Variants in CAPN14 observed in about 807,000 individuals in gnomAD.
CAPN14 encodes calpain-14.
Under a neutral mutation model 101.3 loss-of-function variants are expected in CAPN14, and 94 were observed. That is an observed-to-expected ratio of 0.93 (90% CI 0.79 to 1.10). The LOEUF is 1.10. Ranked by LOEUF, CAPN14 falls within the 50% of genes least tolerant of loss-of-function variation. CAPN14 has a pLI of 0.00. For missense variants in CAPN14, 837 were observed against 828.4 expected, an observed-to-expected ratio of 1.01 and a Z score of -0.13; for synonymous variants, 338 against 317.9, an observed-to-expected ratio of 1.06 and a Z score of -0.67.
rs943826224 is a variant in CAPN14 at position 31,202,183 on chromosome 2, G to C, written c.365C>G (p.Pro122Arg). 1 of 1,551,830 alleles carries C rather than the reference G, an allele frequency of 6.4e-7. No individual in the cohort carries two copies. ...CTTCTCAGTGAAACTCTGATTCAGG[G>C]GAACAACCCGGCTCAGGATGTCCTG... Reference protein sequence around the residue: ...LHQDILSRVVPLNQSFTEKYA... With the variant: ...LHQDILSRVVRLNQSFTEKYA... The change falls in exon 4 of 22, where the codon CCC becomes CGC. Residue 122 changes from proline to arginine, a missense_variant. Physicochemically the swap from Pro to Arg is moderately radical, Grantham distance 103. Transcript: ENST00000403897.
At chr2:31,181,037 C>A in intron 16 of CAPN14, 37 bp from the exon 17 acceptor site, 1 of 1,527,840 alleles carries the variant, frequency 6.5e-7, no homozygotes, top group Non-Finnish European at 8.9e-7. Flanking sequence ...GGGGGCTGGC[C>A]CCAGGTCTGC....
At position 31,204,121 on chromosome 2, in the gene CAPN14, A is replaced by C. The variant is rs188861233; in HGVS notation, c.226-982T>G. 9.2e-5 allele frequency among the ~76,000 whole-genome samples: 14 copies of C among 152,282 alleles called. No homozygotes were observed. The East Asian group carries it at 2.5e-3, about 27-fold the overall frequency. ...GCCTTGCCATCTCAGATGAAGCTAA[A>C]CAGTACCTTGATATATTTTTGGCTA... On this transcript the variant is annotated intron_variant, in intron 2 of 21. Transcript: ENST00000403897.
chr2:31,198,357 T>TTC (rs35701726), intron 7 of CAPN14, among the ~76,000 whole-genome samples: 95,566 of 151,852 alleles, frequency 0.63, 31,163 homozygotes, highest in East Asian at 0.95. Context: ...AACCAAGCTG[T>TTC]TCTGACCACC....
At chr2:31,222,901 G>C (rs1682901823) in intron 2 of CAPN14, among the ~76,000 whole-genome samples, 1 of 152,202 alleles carries the variant, frequency 6.6e-6, no homozygotes, top group African/African-American at 2.4e-5. Context: ...GTGGAGCAAT[G>C]AATGGGATTT....
At chr2:31,210,242 G>T (rs889908313) in intron 1 of CAPN14, among the ~76,000 whole-genome samples, 22 of 152,034 alleles carry the variant, frequency 1.4e-4, no homozygotes, top group Non-Finnish European at 3.1e-4. Flanking sequence ...AAGAGATCAA[G>T]ACCATCCTGG....
At chr2:31,212,273 G>A (rs1682438291) in intron 1 of CAPN14, among the ~76,000 whole-genome samples, 1 of 145,780 alleles carries the variant, frequency 6.9e-6, no homozygotes, top group Non-Finnish European at 1.5e-5. Context: ...TCCCACCACT[G>A]CACTCCAGCC....
intron 8 of CAPN14, among the ~76,000 whole-genome samples, chr2:31,195,272 G>C (rs1056845822): frequency 6.6e-6 from 1 of 152,216 alleles, no homozygotes; most frequent in Admixed American, 6.5e-5. Context: ...AGACTGGACC[G>C]TAAGCAGGAC....
chr2:31,207,018 CTGTA>C lies in CAPN14; in HGVS notation c.-52-1523_-52-1520del, dbSNP rs1682133076. 2.0e-5 allele frequency among the ~76,000 whole-genome samples: 3 copies of C among 152,156 alleles called. No individual in the cohort carries two copies. In the South Asian group the frequency reaches 6.2e-4, roughly 32 times the overall value. ...GCTATACAGGGAGATTTTATAAGGG[CTGTA>C]TCCAGAACCCAGAGCCCTGACTCCC... is the stretch of plus-strand genomic sequence containing the variant. On this transcript the variant is annotated intron_variant, in intron 1 of 21. Coordinates refer to ENST00000403897, the MANE Select transcript of CAPN14 (RefSeq NM_001145122.2).
At position 31,174,603 on chromosome 2, in the gene CAPN14, C is replaced by T; in HGVS notation, c.*78G>A. The stretch of plus-strand genomic sequence containing the variant: ...CCTGAAGATCAGTAAGTAGGGTGGG[C>T]ATGGGTTGGTCTCAGCCAAAGGCTG... On this transcript the variant is annotated 3_prime_UTR_variant, in exon 22 of 22. Coordinates refer to ENST00000403897, the MANE Select transcript of CAPN14 (RefSeq NM_001145122.2). 6.9e-7 allele frequency: 1 copy of T among 1,445,256 alleles called. No individual in the cohort carries two copies. The highest frequency in any genetic ancestry group is 9.5e-7 in the Non-Finnish European group (1 of 1,052,012). 89.5% of individuals were successfully genotyped at this position (1,445,256 alleles called of 1,614,324 possible).
At chr2:31,191,563 G>A (rs1681179721) in intron 11 of CAPN14, among the ~76,000 whole-genome samples, 156 bp from the exon 12 acceptor site, 1 of 152,128 alleles carries the variant, frequency 6.6e-6, no homozygotes, top group African/African-American at 2.4e-5. Context: ...AAGACCTGCT[G>A]TTCTATCAGT....
At chr2:31,175,378 A>C (rs1017622407) in intron 21 of CAPN14, among the ~76,000 whole-genome samples, 4 of 152,180 alleles carry the variant, frequency 2.6e-5, no homozygotes, top group African/African-American at 9.7e-5. Flanking sequence ...TAATTTGCCT[A>C]AGGCCCCACA....
At chr2:31,206,330 G>A (rs1212122611) in intron 1 of CAPN14, among the ~76,000 whole-genome samples, 1 of 152,174 alleles carries the variant, frequency 6.6e-6, no homozygotes, top group African/African-American at 2.4e-5. Flanking sequence ...AGGCCCCCAC[G>A]GGCGGTCACA....
In CAPN14 at chr2:31,205,397, G is replaced by A. The variant is rs1354002659; in HGVS notation, c.51C>T (p.Tyr17=). The stretch of plus-strand genomic sequence containing the variant: ...GTTGCTGTGGAGACGCCCTCCTAGA[G>A]TACCTTGGCGCCAGCTTCCATCTGC... ...FRCRWKLAPR[Y]SRRASPQQPQ... The change falls in exon 2 of 22, where the codon TAC becomes TAT. Residue 17 remains tyrosine, a synonymous_variant. Coordinates refer to ENST00000403897, the MANE Select transcript of CAPN14 (RefSeq NM_001145122.2). The A allele has an allele frequency of 6.4e-7, 1 of 1,551,596 alleles. No homozygotes were observed. Among genetic ancestry groups the A allele is most frequent in the Non-Finnish European group, 8.7e-7 (1 of 1,146,980 alleles).
chr2:31,206,261 G>T (rs554772731), intron 1 of CAPN14, among the ~76,000 whole-genome samples: 1 of 151,926 alleles, frequency 6.6e-6, no homozygotes, highest in East Asian at 2.0e-4. Flanking sequence ...CCCCAGCTGC[G>T]CTCCGGGTCA....
At chr2:31,186,179 G>A (rs374659342) in intron 16 of CAPN14, among the ~76,000 whole-genome samples, 1 of 152,158 alleles carries the variant, frequency 6.6e-6, no homozygotes, top group East Asian at 1.9e-4. Flanking sequence ...AAAATGGCAG[G>A]AATCTTCATT....
intron 14 of CAPN14, 22 bp from the exon 15 acceptor site, chr2:31,187,836 A>C (rs1311421917): frequency 6.5e-7 from 1 of 1,540,776 alleles, no homozygotes; most frequent in Non-Finnish European, 8.8e-7. Flanking sequence ...GACACACAGA[A>C]AGACACAATT....
chr2:31,192,077 T>G lies in CAPN14; in HGVS notation c.1136A>C (p.Gln379Pro). The G allele has an allele frequency of 1.3e-6, 2 of 1,549,500 alleles. No individual in the cohort carries two copies. Among genetic ancestry groups the G allele is most frequent in the Non-Finnish European group, 1.7e-6 (2 of 1,146,020 alleles). Residue 379 changes from glutamine to proline, a missense_variant, in exon 11 of 22, where the codon CAG (glutamine) becomes CCG (proline). Physicochemically the swap from Gln to Pro is moderately conservative, Grantham distance 76. Transcript: ENST00000403897. ...GGGCCTCCAGACAGACAGCAGGAAC[T>G]GCGGGTTCTTCCAAAATGTGTCTGG... ...LLQDTFWKNPQFLLSVWRPEE... is the reference protein window; with the variant it reads ...LLQDTFWKNPPFLLSVWRPEE...
At chr2:31,218,166 G>A (rs1027358979), upstream of CAPN14, among the ~76,000 whole-genome samples, 4 of 152,058 alleles carry the variant, frequency 2.6e-5, no homozygotes, top group African/African-American at 9.7e-5. Flanking sequence ...TCCAAATCTG[G>A]TTGTTCTTCC....
Position 31,176,599 on chromosome 2 carries a change from G to A in CAPN14, c.2016C>T (p.Leu672=). Residue 672 remains leucine (L), a synonymous_variant, in exon 21 of 22, where the codon CTC becomes CTT. Transcript: ENST00000403897. ...NLTQDGKGIY[L]QKPEWMMMAL... ...GGGCAAGTCTTACCTCTGGCTTCTGGAGGTATATCCCTTTGCCATCTTGGG... is the reference window on the plus strand; with the variant it reads ...GGGCAAGTCTTACCTCTGGCTTCTGAAGGTATATCCCTTTGCCATCTTGGG... 6.4e-7 allele frequency: 1 copy of A among 1,551,672 alleles called. No homozygotes were observed. The highest frequency in any genetic ancestry group is 8.7e-7 in the Non-Finnish European group (1 of 1,146,934).
Sources: gnomAD v4.1 joint callset for allele counts (sites outside exome capture counted in the v4.1 genomes callset) on GRCh38, gnomAD v4.1.1 for gene constraint, MANE v1.5 for transcripts, NCBI Gene and HGNC (gene_info 2026-07-23, HGNC 2026-07-21) for gene names.